Variants in DPP6 observed in about 807,000 individuals in gnomAD.
DPP6 encodes the protein A-type potassium channel modulatory protein DPP6.
In DPP6, 69 loss-of-function variants were observed where a neutral mutation model predicts 122.6. The observed-to-expected ratio is 0.56, with a 90% CI of 0.46 to 0.69. The LOEUF (loss-of-function observed/expected upper bound fraction) is 0.69. DPP6 is among the 30% of genes least tolerant of loss of function. The pLI is 0.00. For missense variants in DPP6, 928 were observed against 1,116.9 expected (o/e 0.83, Z 2.41); for synonymous variants, 418 against 433.1 (o/e 0.97, Z 0.43).
chr7:153,855,982 G>T, the DPP6 span, among the ~76,000 whole-genome samples: 2 of 152,092 alleles, frequency 1.3e-5, no homozygotes, highest in Admixed American at 1.3e-4. Context: ...TTAAACAATT[G>T]CCTCAATACA....
chr7:154,054,440 T>G (rs1369628695), intron 1 of DPP6, among the ~76,000 whole-genome samples: 1 of 151,938 alleles, frequency 6.6e-6, no homozygotes, highest in Non-Finnish European at 1.5e-5. Context: ...TGTGGAAACT[T>G]TAATGGAGAT....
At chr7:154,139,243 T>C (rs1342833415) in intron 1 of DPP6, among the ~76,000 whole-genome samples, 2 of 143,280 alleles carry the variant, frequency 1.4e-5, no homozygotes, top group Non-Finnish European at 3.0e-5. Flanking sequence ...AGTTCAACTC[T>C]GGAAGCCTCA....
the DPP6 span, among the ~76,000 whole-genome samples, chr7:153,793,947 G>A: frequency 6.6e-6 from 1 of 152,228 alleles, no homozygotes; most frequent in African/African-American, 2.4e-5. Flanking sequence ...GTGCACAATA[G>A]TCAAGAACTT....
chr7:153,986,553 A>C (rs1317208215), intron 1 of DPP6, among the ~76,000 whole-genome samples: 1 of 152,224 alleles, frequency 6.6e-6, no homozygotes, highest in African/African-American at 2.4e-5. Context: ...TAGAGGATGC[A>C]TGCAAGTAGG....
chr7:154,387,065 A>C (rs565487741), intron 1 of DPP6, among the ~76,000 whole-genome samples: 1 of 152,306 alleles, frequency 6.6e-6, no homozygotes, highest in South Asian at 2.1e-4. Context: ...AAGAGAACAT[A>C]GGCAAGGGGC....
At chr7:154,124,602 C>G (rs183358068) in intron 1 of DPP6, among the ~76,000 whole-genome samples, 3 of 152,286 alleles carry the variant, frequency 2.0e-5, no homozygotes, top group African/African-American at 7.2e-5. Flanking sequence ...CAAAAATATC[C>G]CAAACAATAC....
chr7:154,074,350 A>G (rs1405194645), intron 1 of DPP6, among the ~76,000 whole-genome samples: 4 of 152,060 alleles, frequency 2.6e-5, no homozygotes, highest in Non-Finnish European at 5.9e-5. Flanking sequence ...AAGCATTAAA[A>G]CACCAAGACT....
intron 2 of DPP6, among the ~76,000 whole-genome samples, chr7:154,450,993 G>T (rs1820312491): frequency 6.6e-6 from 1 of 152,138 alleles, no homozygotes; most frequent in Non-Finnish European, 1.5e-5. Flanking sequence ...CTAGGGGTTT[G>T]CAGTTACTCC....
At chr7:154,575,162 G>T (rs1339827047) in intron 5 of DPP6, among the ~76,000 whole-genome samples, 3 of 136,402 alleles carry the variant, frequency 2.2e-5, no homozygotes, top group Non-Finnish European at 4.7e-5. Flanking sequence ...TGGTCTGTGT[G>T]TATGTGTGTG....
chr7:153,978,254 T>C (rs1293332844), intron 1 of DPP6, among the ~76,000 whole-genome samples: 4 of 152,248 alleles, frequency 2.6e-5, no homozygotes, highest in South Asian at 2.1e-4. Flanking sequence ...TTTTAACTGG[T>C]GTGAGATGGT....
intron 1 of DPP6, among the ~76,000 whole-genome samples, chr7:154,321,520 C>T (rs937960314): frequency 1.8e-4 from 28 of 151,954 alleles, no homozygotes; most frequent in African/African-American, 6.0e-4. Flanking sequence ...CGGTCGCTCA[C>T]GTCTGTAATC....
chr7:154,610,099 T>C (rs962062250), intron 5 of DPP6, among the ~76,000 whole-genome samples: 12 of 152,168 alleles, frequency 7.9e-5, no homozygotes, highest in Admixed American at 5.9e-4. Flanking sequence ...AACAAAATAG[T>C]CTCTGACCCC....
intron 1 of DPP6, among the ~76,000 whole-genome samples, chr7:154,216,079 G>T (rs1214809786): frequency 6.6e-6 from 1 of 152,106 alleles, no homozygotes; most frequent in Non-Finnish European, 1.5e-5. Context: ...CTGTAAGCAC[G>T]TGCCCAGTTG....
At chr7:154,367,323 G>A (rs1006730) in intron 1 of DPP6, among the ~76,000 whole-genome samples, 35,552 of 152,182 alleles carry the variant, frequency 0.23, 8,242 homozygotes, top group African/African-American at 0.61. Context: ...GATGGCAACA[G>A]GCGCTAGGCC....
At chr7:154,733,408 T>C (rs1290013532) in intron 8 of DPP6, among the ~76,000 whole-genome samples, 1 of 152,258 alleles carries the variant, frequency 6.6e-6, no homozygotes, top group Non-Finnish European at 1.5e-5. Flanking sequence ...GTCCTGCTCA[T>C]GTCTAGGGAC....
the DPP6 span, among the ~76,000 whole-genome samples, chr7:153,762,092 G>A: frequency 4.6e-5 from 7 of 152,084 alleles, no homozygotes; most frequent in Non-Finnish European, 7.3e-5. Flanking sequence ...AACATTTTCC[G>A]CTTCCCCACA....
At chr7:154,824,827 A>G (rs1007901533) in intron 16 of DPP6, among the ~76,000 whole-genome samples, 2 of 152,164 alleles carry the variant, frequency 1.3e-5, no homozygotes, top group Admixed American at 1.3e-4. Flanking sequence ...CTGCAGCCAG[A>G]AAGGAATGGA....
At chr7:153,905,124 A>G (rs1421464684) in intron 1 of DPP6, among the ~76,000 whole-genome samples, 1 of 152,192 alleles carries the variant, frequency 6.6e-6, no homozygotes, top group African/African-American at 2.4e-5. Flanking sequence ...CCTCTCTGTA[A>G]TGGGAGGTCT....
At chr7:154,020,880 A>G (rs776261682) in intron 1 of DPP6, among the ~76,000 whole-genome samples, 92 of 152,152 alleles carry the variant, frequency 6.0e-4, no homozygotes, top group Non-Finnish European at 1.0e-3. Flanking sequence ...GGAAAAGGGC[A>G]AGACTCCTTG....
Sources: allele counts gnomAD v4.1 joint callset (sites outside exome capture counted in the v4.1 genomes callset), GRCh38; gene constraint gnomAD v4.1.1; transcripts MANE v1.5; gene names NCBI Gene and HGNC (gene_info 2026-07-23, HGNC 2026-07-21).